The following DLGAP1 variants were observed in gnomAD, a reference collection of about 807,000 sequenced individuals.
DLGAP1 encodes the protein disks large-associated protein 1.
In DLGAP1, 11 loss-of-function variants were observed where a neutral mutation model predicts 90.8. That is an observed-to-expected ratio of 0.12 (90% CI 0.08 to 0.20). The LOEUF (loss-of-function observed/expected upper bound fraction) is 0.20. DLGAP1 is among the 10% of genes least tolerant of loss of function. The pLI, the probability that DLGAP1 is intolerant of heterozygous loss-of-function variation, is 1.00. For missense variants in DLGAP1, 1,050 were observed against 1,333.8 expected (o/e 0.79, Z 3.31); for synonymous variants, 558 against 540.7 (o/e 1.03, Z -0.44).
intron 2 of DLGAP1, among the ~76,000 whole-genome samples, chr18:4,009,802 G>A (rs1307033368): frequency 6.6e-6 from 1 of 152,194 alleles, no homozygotes; most frequent in Non-Finnish European, 1.5e-5. Context: ...CCAGGAATGG[G>A]AACCTTTAGG....
intron 5 of DLGAP1, among the ~76,000 whole-genome samples, chr18:3,766,035 G>A (rs759696990): frequency 2.3e-4 from 35 of 151,734 alleles, no homozygotes; most frequent in Non-Finnish European, 5.0e-4. Flanking sequence ...GCCTACATAC[G>A]TCAACTAAAA....
intron 7 of DLGAP1, among the ~76,000 whole-genome samples, chr18:3,649,210 G>A (rs1296567381): frequency 1.3e-5 from 2 of 152,164 alleles, no homozygotes; most frequent in Non-Finnish European, 2.9e-5. Flanking sequence ...CTTGTTTGTT[G>A]CCTGAAAACC....
At chr18:3,782,755 A>G (rs1361332003) in intron 5 of DLGAP1, among the ~76,000 whole-genome samples, 1 of 152,212 alleles carries the variant, frequency 6.6e-6, no homozygotes, top group African/African-American at 2.4e-5. Context: ...AATGTCTTTT[A>G]AAATGCCTTT....
chr18:4,007,472 T>C (rs921245346), intron 2 of DLGAP1, among the ~76,000 whole-genome samples: 1 of 152,100 alleles, frequency 6.6e-6, no homozygotes, highest in African/African-American at 2.4e-5. Context: ...CTGGCTAACA[T>C]GGCAAAACCC....
chr18:4,430,528 G>GTGTGTGTA (rs1459313898), intron 1 of DLGAP1: 1 of 152,786 alleles, frequency 6.5e-6, no homozygotes, highest in Non-Finnish European at 1.5e-5. Flanking sequence ...GTGTGTGTGT[G>GTGTGTGTA]TGTGTGTGTG....
rs1176762335 is a variant in DLGAP1, at chr18:3,517,395, A to G, written c.2480-8734T>C. Among the ~76,000 whole-genome samples, 1 of 152,232 alleles carries G rather than the reference A, an allele frequency of 6.6e-6. No individual in the cohort carries two copies. The highest frequency in any genetic ancestry group is 1.5e-5 in the Non-Finnish European group (1 of 68,038). On this transcript the variant is annotated intron_variant, in intron 10 of 12. Transcript: ENST00000315677. The surrounding 1 kb of genome is among the most constrained non-coding windows in gnomAD (Gnocchi z 4.1). ...CTGGATAACTTACTGCAGCTTCTCC[A>G]TCATCACTAGGAATTCACCTTGCAT...
intron 3 of DLGAP1, among the ~76,000 whole-genome samples, chr18:3,939,478 C>A (rs1209261627): frequency 2.9e-5 from 4 of 139,068 alleles, no homozygotes; most frequent in Admixed American, 1.4e-4. Context: ...AAACAAAAAA[C>A]CCCCCAAAAA....
intron 3 of DLGAP1, among the ~76,000 whole-genome samples, chr18:4,004,629 T>G (rs1345003095): frequency 6.6e-6 from 1 of 152,206 alleles, no homozygotes; most frequent in Non-Finnish European, 1.5e-5. Flanking sequence ...GGCGTCTCTA[T>G]TCTATTAATT....
chr18:4,451,624 G>A (rs1198528624), intron 1 of DLGAP1, among the ~76,000 whole-genome samples: 2 of 152,008 alleles, frequency 1.3e-5, no homozygotes, highest in African/African-American at 4.8e-5. Flanking sequence ...AACAAGAATC[G>A]AGCTACAAAT....
chr18:3,909,533 TCTTG>T (rs2071986660), intron 3 of DLGAP1, among the ~76,000 whole-genome samples: 1 of 152,210 alleles, frequency 6.6e-6, no homozygotes, highest in Non-Finnish European at 1.5e-5. Context: ...AGGGTTCTTT[TCTTG>T]CTTTTGATTT....
At chr18:4,222,474 A>G (rs1192535324) in intron 1 of DLGAP1, among the ~76,000 whole-genome samples, 1 of 152,186 alleles carries the variant, frequency 6.6e-6, no homozygotes, top group Non-Finnish European at 1.5e-5. Flanking sequence ...GCAGATAAAG[A>G]TATGCTCATT....
intron 3 of DLGAP1, among the ~76,000 whole-genome samples, chr18:3,904,361 A>C (rs1342473234): frequency 6.6e-6 from 1 of 152,222 alleles, no homozygotes; most frequent in Admixed American, 6.5e-5. Context: ...GGAAGTCTGC[A>C]AACACTATGG....
intron 7 of DLGAP1, among the ~76,000 whole-genome samples, chr18:3,659,952 A>AT (rs1282795517): frequency 6.6e-6 from 1 of 152,086 alleles, no homozygotes; most frequent in Non-Finnish European, 1.5e-5. Context: ...GTGCTTTGCA[A>AT]TGCTATTTCC....
intron 2 of DLGAP1, among the ~76,000 whole-genome samples, chr18:4,080,515 G>T (rs564384119): frequency 6.6e-6 from 1 of 152,344 alleles, no homozygotes; most frequent in East Asian, 1.9e-4. Context: ...GCAGAGATCT[G>T]CATCTGTAGA....
At chr18:4,240,880 T>C (rs1242972147) in intron 1 of DLGAP1, among the ~76,000 whole-genome samples, 2 of 152,206 alleles carry the variant, frequency 1.3e-5, no homozygotes, top group African/African-American at 4.8e-5. Context: ...CATACGAACT[T>C]ACACAATTTC....
intron 2 of DLGAP1, among the ~76,000 whole-genome samples, chr18:4,112,503 AG>A (rs2075991742): frequency 6.6e-6 from 1 of 152,116 alleles, no homozygotes; most frequent in Non-Finnish European, 1.5e-5. Flanking sequence ...CATTATGGAA[AG>A]TAGGGTGCTG....
chr18:3,539,880 AT>A (rs144596142), intron 9 of DLGAP1, among the ~76,000 whole-genome samples: 5,000 of 152,282 alleles, frequency 0.033, 204 homozygotes, highest in Middle Eastern at 0.095. Flanking sequence ...TAGCGTCTTT[AT>A]CCCTCTCATT....
At chr18:3,686,311 C>A (rs576988542) in intron 7 of DLGAP1, among the ~76,000 whole-genome samples, 3 of 146,556 alleles carry the variant, frequency 2.0e-5, no homozygotes, top group African/African-American at 7.5e-5. Context: ...TCAAAAAGCA[C>A]TAGGAATCCC....
chr18:3,559,194 C>G lies in DLGAP1; in HGVS notation c.2057+8296G>C, dbSNP rs917047105. Among the ~76,000 whole-genome samples the G allele has an allele frequency of 7.0e-4, 106 of 152,192 alleles. 1 individual carries two copies. The highest frequency in any genetic ancestry group is 2.5e-3 in the African/African-American group (102 of 41,446). ...TCCAATTTTTCTGAAATAGATGATT[C>G]TGATGATTCAGATGATTCTGATGTT... On this transcript the variant is annotated intron_variant, in intron 9 of 12. Transcript: ENST00000315677.
Sources: allele counts gnomAD v4.1 joint callset (sites outside exome capture counted in the v4.1 genomes callset), GRCh38; gene constraint gnomAD v4.1.1; non-coding constraint Gnocchi (gnomAD v3.1); transcripts MANE v1.5; gene names NCBI Gene and HGNC (gene_info 2026-07-23, HGNC 2026-07-21).